Variants in ROBO2 observed in about 807,000 individuals in gnomAD.
The protein encoded by ROBO2 is roundabout homolog 2.
ROBO2 carries 53 observed loss-of-function variants against 160.8 expected under a neutral mutation model. The ratio of observed to expected loss-of-function variants is 0.33; its 90% CI spans 0.26 to 0.41. The LOEUF is 0.41. Ranked by LOEUF, ROBO2 falls within the 10% of genes least tolerant of loss-of-function variation. The pLI is 1.00. For synonymous variants in ROBO2, 664 were observed against 611.7 expected (o/e 1.09, Z -1.26); for missense variants, 1,577 against 1,722.4 (o/e 0.92, Z 1.49).
intron 5 of ROBO2, among the ~76,000 whole-genome samples, chr3:77,498,878 G>A (rs1212199733): frequency 6.6e-6 from 1 of 152,062 alleles, no homozygotes; most frequent in Non-Finnish European, 1.5e-5. Context: ...CAAGTGAAAT[G>A]GTCTTAGCAA....
intron 1 of ROBO2, among the ~76,000 whole-genome samples, chr3:75,914,513 A>G (rs1019100878): frequency 5.3e-5 from 8 of 152,186 alleles, no homozygotes; most frequent in Non-Finnish European, 1.2e-4. Context: ...ATATTGTAAC[A>G]TTTAACAATG....
chr3:77,199,620 ATT>A (rs66672194), intron 2 of ROBO2, among the ~76,000 whole-genome samples: 3,068 of 117,946 alleles, frequency 0.026, 13 homozygotes, highest in Middle Eastern at 0.056. Context: ...CTCAGTCACC[ATT>A]TTTTTTTTTT....
At chr3:77,611,760 G>A (rs1462500834) in intron 21 of ROBO2, among the ~76,000 whole-genome samples, 1 of 152,060 alleles carries the variant, frequency 6.6e-6, no homozygotes, top group South Asian at 2.1e-4. Flanking sequence ...AAGAAGAAAA[G>A]TATTTGTTAA....
At chr3:77,451,408 A>G (rs948685253) in intron 2 of ROBO2, among the ~76,000 whole-genome samples, 3 of 152,116 alleles carry the variant, frequency 2.0e-5, no homozygotes, top group African/African-American at 4.8e-5. Context: ...TTGAATTCAT[A>G]TGCTTTTCAC....
intron 2 of ROBO2, among the ~76,000 whole-genome samples, chr3:76,600,531 C>T (rs946289790): frequency 3.0e-4 from 46 of 152,118 alleles, no homozygotes; most frequent in Non-Finnish European, 6.2e-4. Flanking sequence ...TATCTTGTGT[C>T]ACAGCAGGCA....
chr3:77,223,678 A>C (rs2086119467), intron 2 of ROBO2, among the ~76,000 whole-genome samples: 1 of 152,090 alleles, frequency 6.6e-6, no homozygotes, highest in Non-Finnish European at 1.5e-5. Context: ...AATTTGCCTA[A>C]GTATATTTAA....
intron 6 of ROBO2, among the ~76,000 whole-genome samples, chr3:77,525,567 A>C (rs956293440): frequency 1.3e-5 from 2 of 151,234 alleles, no homozygotes; most frequent in Non-Finnish European, 3.0e-5. Context: ...ATTATTAATA[A>C]AACTTTTTAA....
At chr3:76,089,154 A>C (rs183306866) in intron 2 of ROBO2, among the ~76,000 whole-genome samples, 4 of 152,180 alleles carry the variant, frequency 2.6e-5, no homozygotes, top group Admixed American at 1.3e-4. Flanking sequence ...CACAATTATA[A>C]TAGGCTTATA....
At chr3:77,523,840 A>G (rs1183442465) in intron 6 of ROBO2, among the ~76,000 whole-genome samples, 1 of 151,324 alleles carries the variant, frequency 6.6e-6, no homozygotes, top group Non-Finnish European at 1.5e-5. Context: ...GCATGTTTTC[A>G]TCCAAGTCTC....
At chr3:76,131,175 G>GTGCTTGAATTATAAC (rs1242627948) in intron 2 of ROBO2, among the ~76,000 whole-genome samples, 3 of 152,108 alleles carry the variant, frequency 2.0e-5, no homozygotes, top group African/African-American at 7.2e-5. Flanking sequence ...TTTTACATAA[G>GTGCTTGAATTATAAC]TGCTTGAATT....
intron 2 of ROBO2, among the ~76,000 whole-genome samples, chr3:76,834,565 T>G (rs1188916084): frequency 2.0e-5 from 3 of 151,860 alleles, no homozygotes; most frequent in African/African-American, 7.3e-5. Flanking sequence ...TAGAGACGGG[T>G]TTCAACATGT....
intron 2 of ROBO2, among the ~76,000 whole-genome samples, chr3:76,952,170 T>A (rs1000645504): frequency 3.9e-5 from 6 of 152,244 alleles, no homozygotes; most frequent in African/African-American, 7.2e-5. Flanking sequence ...TGACTATGTC[T>A]GCTAATATTT....
At chr3:77,462,076 A>G (rs2082303335) in intron 2 of ROBO2, among the ~76,000 whole-genome samples, 1 of 152,226 alleles carries the variant, frequency 6.6e-6, no homozygotes, top group Admixed American at 6.5e-5. Context: ...ATAATTTGAG[A>G]GAGAAAAATA....
exon 8 of ROBO2, chr3:77,550,853 C>A (rs562246393): frequency 6.2e-7 from 1 of 1,613,072 alleles, no homozygotes; most frequent in Non-Finnish European, 8.5e-7. Context: ...AGCAGCCCAA[C>A]AGTAGATGCT....
chr3:77,233,486 G>A (rs1356090798), intron 2 of ROBO2, among the ~76,000 whole-genome samples: 1 of 152,166 alleles, frequency 6.6e-6, no homozygotes, highest in East Asian at 1.9e-4. Context: ...TGTTACAGAA[G>A]AGAAGGCCTG....
At chr3:76,063,343 C>CT (rs35062174) in intron 2 of ROBO2, among the ~76,000 whole-genome samples, 15,626 of 134,744 alleles carry the variant, frequency 0.12, 2,176 homozygotes, top group African/African-American at 0.33. Flanking sequence ...GCCCTCCTCC[C>CT]TTTTTTTTTT....
chr3:76,847,530 T>TA (rs1442671852), intron 2 of ROBO2, among the ~76,000 whole-genome samples: 1 of 152,032 alleles, frequency 6.6e-6, no homozygotes, highest in Non-Finnish European at 1.5e-5. Flanking sequence ...ATGCTTAAAA[T>TA]AAAAAATCTT....
chr3:77,114,592 T>C (rs2074011779), intron 2 of ROBO2, among the ~76,000 whole-genome samples: 2 of 152,170 alleles, frequency 1.3e-5, no homozygotes, highest in South Asian at 4.1e-4. Flanking sequence ...TGTAATTAAG[T>C]CATTTTTCTT....
chr3:75,934,376 A>G (rs1947677658), intron 1 of ROBO2, among the ~76,000 whole-genome samples: 1 of 152,188 alleles, frequency 6.6e-6, no homozygotes, highest in African/African-American at 2.4e-5. Flanking sequence ...ATATGCACGA[A>G]AAGGGTGTTC....
Sources: gnomAD v4.1 joint callset for allele counts (sites outside exome capture counted in the v4.1 genomes callset) on GRCh38, gnomAD v4.1.1 for gene constraint, MANE v1.5 for transcripts, NCBI Gene and HGNC (gene_info 2026-07-23, HGNC 2026-07-21) for gene names.